Variants in GRID1 observed in about 807,000 individuals in gnomAD.
GRID1 encodes glutamate receptor ionotropic, delta-1.
A neutral mutation model predicts 98.0 loss-of-function variants in GRID1; 28 were observed. The ratio of observed to expected loss-of-function variants is 0.29; its 90% CI spans 0.21 to 0.39. The LOEUF (loss-of-function observed/expected upper bound fraction) is 0.39. Among genes scored for constraint, GRID1 ranks in the 10% least tolerant of loss-of-function variants. The pLI is 1.00. For missense variants in GRID1, 1,111 were observed against 1,340.5 expected (o/e 0.83, Z 2.67); for synonymous variants, 553 against 538.5 (o/e 1.03, Z -0.37).
At chr10:86,080,419 G>GGGA (rs1843955365) in intron 4 of GRID1, among the ~76,000 whole-genome samples, 1 of 9,700 alleles carries the variant, frequency 1.0e-4, no homozygotes, top group Non-Finnish European at 1.9e-4. Context: ...AAGGGGAGGG[G>GGGA]AGGGGAGGGG....
intron 12 of GRID1, among the ~76,000 whole-genome samples, chr10:85,700,322 A>G (rs1402803826): frequency 4.6e-5 from 7 of 152,208 alleles, no homozygotes; most frequent in African/African-American, 1.4e-4. Context: ...AGTAAGTGAG[A>G]GAGAAAGGAT....
chr10:85,726,490 G>C (rs1302782678), intron 10 of GRID1, among the ~76,000 whole-genome samples: 2 of 152,106 alleles, frequency 1.3e-5, no homozygotes, highest in African/African-American at 4.8e-5. Flanking sequence ...ATAGATAATA[G>C]AATCCATTCA....
chr10:85,903,839 C>T (rs148678405), intron 5 of GRID1, among the ~76,000 whole-genome samples: 2 of 152,312 alleles, frequency 1.3e-5, no homozygotes, highest in African/African-American at 4.8e-5. Flanking sequence ...GCTCTTCCTC[C>T]AGAAATATGC....
At chr10:86,136,943 CT>C (rs1225928632) in intron 4 of GRID1, among the ~76,000 whole-genome samples, 4 of 152,176 alleles carry the variant, frequency 2.6e-5, no homozygotes, top group African/African-American at 7.2e-5. Context: ...CATGTACCCC[CT>C]GTACCTAAAA....
At chr10:85,765,149 C>G (rs937865684) in intron 8 of GRID1, among the ~76,000 whole-genome samples, 11 of 152,158 alleles carry the variant, frequency 7.2e-5, no homozygotes, top group Non-Finnish European at 1.3e-4. Context: ...GCAGATGAAA[C>G]TGAGGCTCAT....
At chr10:85,875,422 T>A (rs1843319556) in intron 5 of GRID1, among the ~76,000 whole-genome samples, 1 of 152,202 alleles carries the variant, frequency 6.6e-6, no homozygotes, top group Non-Finnish European at 1.5e-5. Flanking sequence ...GTAAACCTAA[T>A]ATACTAGATA....
At chr10:86,125,703 C>T (rs556910886) in intron 4 of GRID1, among the ~76,000 whole-genome samples, 94 of 152,220 alleles carry the variant, frequency 6.2e-4, no homozygotes, top group Non-Finnish European at 1.1e-3. Context: ...TCTCCCGCCT[C>T]GGCCACCCAT....
In GRID1 at chr10:85,820,950, A is replaced by G. The variant is rs1015366193; in HGVS notation, c.1233+33546T>C. Among the ~76,000 whole-genome samples, 50 of 152,216 alleles carry G rather than the reference A, an allele frequency of 3.3e-4. 2 individuals are homozygous for G. The highest frequency in any genetic ancestry group is 2.9e-5 in the Non-Finnish European group (2 of 68,038). On this transcript the variant is annotated intron_variant, in intron 8 of 15. Coordinates refer to ENST00000327946, the MANE Select transcript of GRID1 (RefSeq NM_017551.3). ...GAAATATAAATATATATCCACATGA[A>G]GACATTTTTTACACAAATGCTTGTA...
intron 8 of GRID1, among the ~76,000 whole-genome samples, chr10:85,790,033 G>C (rs1216160686): frequency 6.6e-6 from 1 of 152,170 alleles, no homozygotes; most frequent in Non-Finnish European, 1.5e-5. Context: ...CCTCAGCTTA[G>C]ATTTACTTTG....
At chr10:85,997,534 G>A (rs1842754638) in intron 4 of GRID1, among the ~76,000 whole-genome samples, 1 of 152,150 alleles carries the variant, frequency 6.6e-6, no homozygotes, top group South Asian at 2.1e-4. Flanking sequence ...ACGTAAGTAT[G>A]CATATTGTAA....
At chr10:85,776,800 C>T (rs1280206842) in intron 8 of GRID1, among the ~76,000 whole-genome samples, 3 of 152,224 alleles carry the variant, frequency 2.0e-5, no homozygotes, top group African/African-American at 7.2e-5. Flanking sequence ...ATGAAGCTAA[C>T]AGCCATGTTC....
chr10:86,161,880 C>T (rs1398991393), intron 3 of GRID1, among the ~76,000 whole-genome samples: 5 of 152,212 alleles, frequency 3.3e-5, no homozygotes, highest in Admixed American at 3.3e-4. Context: ...ACAAAAATTA[C>T]ATCCAGCTTC....
chr10:85,885,709 GC>G (rs1003619551), intron 5 of GRID1, among the ~76,000 whole-genome samples: 1 of 152,196 alleles, frequency 6.6e-6, no homozygotes, highest in Non-Finnish European at 1.5e-5. Context: ...GGACTACCAT[GC>G]AGCTAGAAAG....
At chr10:85,865,469 CT>C (rs1408446315) in intron 6 of GRID1, among the ~76,000 whole-genome samples, 3 of 152,144 alleles carry the variant, frequency 2.0e-5, no homozygotes, top group African/African-American at 7.2e-5. Flanking sequence ...CTTCTTGGTC[CT>C]CCCAGAAACT....
chr10:85,654,702 G>A (rs1319539346), intron 12 of GRID1, among the ~76,000 whole-genome samples: 2 of 152,182 alleles, frequency 1.3e-5, no homozygotes, highest in Non-Finnish European at 2.9e-5. Flanking sequence ...AGACAAACAT[G>A]TGAGACTAAT....
intron 12 of GRID1, among the ~76,000 whole-genome samples, chr10:85,681,987 C>T (rs1274367436): frequency 6.6e-6 from 1 of 151,978 alleles, no homozygotes; most frequent in African/African-American, 2.4e-5. Flanking sequence ...TGTCCCACCC[C>T]TCATGTCTTG....
In GRID1 at chr10:85,599,802, A is replaced by AAAATATATATATATATAT; in HGVS notation, c.*2470_*2471insATATATATATATATATTT. 2.9e-4 allele frequency: 19 copies of AAAATATATATATATATAT among 64,980 alleles called. No individual in the cohort carries two copies. The highest frequency in any genetic ancestry group is 9.7e-4 in the South Asian group (2 of 2,070). The allele number at this position is 64,980 out of a possible 1,614,324, so 4.0% of individuals were successfully genotyped here. A position where few individuals can be genotyped will look rare whatever the true frequency, so the allele number is the denominator to read the frequency against. ...GTAGAAAATTCTAAAAAAAAAAAAA[A>AAAATATATATATATATAT]ATATATATATATATATATAAACATG... On this transcript the variant is annotated 3_prime_UTR_variant, in exon 16 of 16. Coordinates refer to ENST00000327946, the MANE Select transcript of GRID1 (RefSeq NM_017551.3).
intron 4 of GRID1, among the ~76,000 whole-genome samples, chr10:85,998,054 C>T (rs949117376): frequency 1.1e-4 from 16 of 152,136 alleles, no homozygotes; most frequent in Non-Finnish European, 2.1e-4. Flanking sequence ...ATTTTATAGA[C>T]TCCAACACAA....
intron 4 of GRID1, among the ~76,000 whole-genome samples, chr10:85,987,576 C>T (rs11201864): frequency 1.4e-5 from 2 of 143,118 alleles, no homozygotes; most frequent in East Asian, 4.4e-4. Context: ...TCCCCAGCCT[C>T]ACCTCCCCTA....
Sources: allele counts gnomAD v4.1 joint callset (sites outside exome capture counted in the v4.1 genomes callset), GRCh38; gene constraint gnomAD v4.1.1; transcripts MANE v1.5; gene names NCBI Gene and HGNC (gene_info 2026-07-23, HGNC 2026-07-21).